SPTLC1: variants seen among roughly 807,000 people sequenced by gnomAD.
SPTLC1 encodes the protein serine palmitoyltransferase 1.
SPTLC1 carries 55 observed loss-of-function variants against 68.9 expected under a neutral mutation model. The ratio of observed to expected loss-of-function variants is 0.80; its 90% CI spans 0.64 to 1.00. The LOEUF is 1.00. SPTLC1 is among the 50% of genes least tolerant of loss of function. SPTLC1 has a pLI of 0.00. For missense variants in SPTLC1, 449 were observed against 573.1 expected, an observed-to-expected ratio of 0.78 and a Z score of 2.21; for synonymous variants, 197 against 201.6, an observed-to-expected ratio of 0.98 and a Z score of 0.19.
chr9:92,033,416 A>C (rs1458287156), intron 14 of SPTLC1, among the ~76,000 whole-genome samples: 4 of 152,260 alleles, frequency 2.6e-5, no homozygotes, highest in Non-Finnish European at 5.9e-5. Flanking sequence ...GTTCATCTGT[A>C]AACATCTGTT....
At chr9:92,096,368 A>G (rs1835528720) in intron 3 of SPTLC1, among the ~76,000 whole-genome samples, 1 of 152,140 alleles carries the variant, frequency 6.6e-6, no homozygotes, top group Non-Finnish European at 1.5e-5. Flanking sequence ...TCATTATTTC[A>G]CAATGTGTGT....
intron 5 of SPTLC1, among the ~76,000 whole-genome samples, chr9:92,078,618 G>A (rs1238705826): frequency 1.3e-5 from 2 of 152,256 alleles, no homozygotes; most frequent in Admixed American, 6.5e-5. Context: ...GCTAGTGCCA[G>A]GTTTATTTTT....
intron 7 of SPTLC1, among the ~76,000 whole-genome samples, chr9:92,058,885 T>C (rs1221384196): frequency 1.3e-5 from 2 of 152,226 alleles, no homozygotes; most frequent in African/African-American, 4.8e-5. Context: ...TGCCCAGCTA[T>C]GAGTAGACAT....
At position 92,032,419 on chromosome 9, in the gene SPTLC1, C is replaced by T. The variant is rs550740752; in HGVS notation, c.*46G>A. 51 of 1,613,852 alleles carry T rather than the reference C, an allele frequency of 3.2e-5. No individual in the cohort carries two copies. The African/African-American group carries it at 6.4e-4, about 20-fold the overall frequency. ...CCATGGCCAGCGGGAGTCTTGAGTC[C>T]TCTCTGCGTGTTGTGTGGCAGGAGG... On this transcript the variant is annotated 3_prime_UTR_variant, in exon 15 of 15. Coordinates refer to ENST00000262554, the MANE Select transcript of SPTLC1 (RefSeq NM_006415.4).
chr9:92,038,197 G>T (rs2118371553), intron 13 of SPTLC1, 51 bp downstream of exon 13: 2 of 1,246,114 alleles, frequency 1.6e-6, no homozygotes, highest in Non-Finnish European at 2.4e-6. Flanking sequence ...AATTGCTTGG[G>T]GCAAGGGCAG....
chr9:92,044,948 G>A (rs1321062379), intron 12 of SPTLC1, among the ~76,000 whole-genome samples: 1 of 152,188 alleles, frequency 6.6e-6, no homozygotes, highest in Admixed American at 6.5e-5. Context: ...ACACCATAGA[G>A]TGAAAGGCAT....
chr9:92,112,615 G>A, intron 1 of SPTLC1, 53 bp from the exon 2 acceptor site: 1 of 1,207,112 alleles, frequency 8.3e-7, no homozygotes, highest in African/African-American at 1.5e-5. Flanking sequence ...TCTAACACCT[G>A]CACATAAAAT....
At position 92,050,117 on chromosome 9, in the gene SPTLC1, C is replaced by T. The variant is rs1833657404; in HGVS notation, c.781-50G>A. 8 of 1,168,398 alleles carry T rather than the reference C, an allele frequency of 6.8e-6. No individual in the cohort carries two copies. The East Asian group carries it at 1.9e-4, about 27-fold the overall frequency. 72.4% of individuals were successfully genotyped at this position (1,168,398 alleles called of 1,614,324 possible). A position where few individuals can be genotyped will look rare whatever the true frequency, so the allele number is the denominator to read the frequency against. On this transcript the variant is annotated intron_variant, in intron 8 of 14. Coordinates refer to ENST00000262554, the MANE Select transcript of SPTLC1 (RefSeq NM_006415.4). ...TACTAATGATTAGCACCATATAGAA[C>T]ATATTATGGAGAAAAAAATTAAGAT...
chr9:92,086,710 A>C (rs948000592), intron 3 of SPTLC1, among the ~76,000 whole-genome samples: 41 of 151,654 alleles, frequency 2.7e-4, no homozygotes, highest in African/African-American at 9.6e-4. Flanking sequence ...TGAATCTGAC[A>C]ATTATGTGTC....
chr9:92,060,899 C>G, intron 6 of SPTLC1, among the ~76,000 whole-genome samples: 1 of 139,512 alleles, frequency 7.2e-6, no homozygotes, highest in African/African-American at 2.7e-5. Context: ...GGTGACAGAG[C>G]GAGACTCTGT....
chr9:92,089,951 T>C (rs1352627883), intron 3 of SPTLC1, among the ~76,000 whole-genome samples: 1 of 152,170 alleles, frequency 6.6e-6, no homozygotes, highest in Admixed American at 6.5e-5. Context: ...GGGCAAATAA[T>C]GATCCACTTA....
intron 6 of SPTLC1, among the ~76,000 whole-genome samples, chr9:92,063,139 A>C (rs1348315936): frequency 1.3e-5 from 2 of 152,208 alleles, no homozygotes; most frequent in African/African-American, 2.4e-5. Flanking sequence ...CTGACAAAGA[A>C]AACAGGAGAA....
At chr9:92,090,027 A>T (rs1230062816) in intron 3 of SPTLC1, among the ~76,000 whole-genome samples, 1 of 152,258 alleles carries the variant, frequency 6.6e-6, no homozygotes, top group Non-Finnish European at 1.5e-5. Context: ...TAAGAGATAC[A>T]GATTACCTTC....
At chr9:92,043,473 C>T (rs1643914392) in intron 12 of SPTLC1, among the ~76,000 whole-genome samples, 1 of 152,204 alleles carries the variant, frequency 6.6e-6, no homozygotes, top group African/African-American at 2.4e-5. Flanking sequence ...TTGGGCTTAA[C>T]ATAACCACTG....
At chr9:92,107,946 T>G (rs1836066109) in intron 3 of SPTLC1, 1 of 152,144 alleles carries the variant, frequency 6.6e-6, no homozygotes, top group Non-Finnish European at 1.5e-5. Context: ...TATGGTAAAA[T>G]TATAAATATA....
rs12236475 is a variant in SPTLC1, at chr9:92,088,821, C to G, written c.261-7858G>C. The stretch of plus-strand genomic sequence containing the variant: ...GTCTCAGACCTGTGCCCCATGCAGG[C>G]TAGCAGGAATAGGTCATAATGGGCA... On this transcript the variant is annotated intron_variant, in intron 3 of 14. Transcript: ENST00000262554. Among the ~76,000 whole-genome samples the G allele has an allele frequency of 1.5e-4, 23 of 152,286 alleles. 1 individual carries two copies. The highest frequency in any genetic ancestry group is 6.8e-3 in the Middle Eastern group (2 of 294).
At chr9:92,079,050 C>G in intron 5 of SPTLC1, 1 of 958,932 alleles carries the variant, frequency 1.0e-6, no homozygotes, top group Non-Finnish European at 1.2e-6. Flanking sequence ...AATGCTATTT[C>G]CAGCAATAAA....
intron 3 of SPTLC1, among the ~76,000 whole-genome samples, chr9:92,099,480 CTTTTTTT>C (rs201801428): frequency 2.1e-5 from 3 of 141,906 alleles, no homozygotes; most frequent in African/African-American, 7.7e-5. Context: ...TTTTACTGTA[CTTTTTTT>C]TTTTTTTTTT....
At chr9:92,113,693 T>C (rs1836326607) in intron 1 of SPTLC1, among the ~76,000 whole-genome samples, 2 of 152,246 alleles carry the variant, frequency 1.3e-5, no homozygotes, top group South Asian at 4.1e-4. Flanking sequence ...ACTTAATACA[T>C]GAGCATAAGA....
Sources: gnomAD v4.1 joint callset for allele counts (sites outside exome capture counted in the v4.1 genomes callset) on GRCh38, gnomAD v4.1.1 for gene constraint, MANE v1.5 for transcripts, NCBI Gene and HGNC (gene_info 2026-07-23, HGNC 2026-07-21) for gene names.